Variants in PRPSAP1 observed in about 807,000 individuals in gnomAD.
The protein encoded by PRPSAP1 is phosphoribosyl pyrophosphate synthetase associated protein 1, also known as phosphoribosyl pyrophosphate synthase-associated protein 1.
In PRPSAP1, 31 loss-of-function variants were observed where a neutral mutation model predicts 39.4. That is an observed-to-expected ratio of 0.79 (90% CI 0.59 to 1.06). The LOEUF (loss-of-function observed/expected upper bound fraction) is 1.06. Ranked by LOEUF, PRPSAP1 falls within the 50% of genes least tolerant of loss-of-function variation. The pLI, the probability that PRPSAP1 is intolerant of heterozygous loss-of-function variation, is 0.00. For synonymous variants in PRPSAP1, 212 were observed against 192.6 expected (o/e 1.10, Z -0.83); for missense variants, 430 against 511.6 (o/e 0.84, Z 1.54).
chr17:76,335,898 G>A (rs1176192676), intron 3 of PRPSAP1, among the ~76,000 whole-genome samples: 1 of 152,094 alleles, frequency 6.6e-6, no homozygotes, highest in Non-Finnish European at 1.5e-5. Flanking sequence ...GGAGGCTGAG[G>A]TGGGAGGATC....
Position 76,348,538 on chromosome 17 carries a change from T to C in PRPSAP1, c.214A>G (p.Thr72Ala). The stretch of plus-strand genomic sequence containing the variant: ...AATAATTTTAACTTACCTCCATTGG[T>C]CTCTTGATATACAACAGACTTCCCC... ...ELGKSVVYQE[T>A]NGETRVEIKE... The change falls in exon 2 of 10, where the codon ACC (threonine) becomes GCC (alanine). Residue 72 changes from threonine to alanine, a missense_variant. Transcript: ENST00000446526. The C allele has an allele frequency of 1.3e-6, 2 of 1,483,348 alleles. No homozygotes were observed. Among genetic ancestry groups the C allele is most frequent in the Non-Finnish European group, 1.8e-6 (2 of 1,123,320 alleles). The allele number at this position is 1,483,348 out of a possible 1,614,324, so 91.9% of individuals were successfully genotyped here. A position where few individuals can be genotyped will look rare whatever the true frequency, so the allele number is the denominator to read the frequency against.
At chr17:76,339,552 G>C (rs2071413719) in intron 3 of PRPSAP1, among the ~76,000 whole-genome samples, 1 of 151,742 alleles carries the variant, frequency 6.6e-6, no homozygotes, top group Non-Finnish European at 1.5e-5. Context: ...AAGAGACAGA[G>C]AAAATGCCAG....
In PRPSAP1 at chr17:76,320,352, G is replaced by GAAGGAAGGAAGA. The variant is rs759360735; in HGVS notation, c.782-6462_782-6461insTCTTCCTTCCTT. On this transcript the variant is annotated intron_variant, in intron 7 of 9. Transcript: ENST00000446526. ...GGGAGGGAGGGAGGGAGGAAGGAAG[G>GAAGGAAGGAAGA]AAGAAAAAGGAAGAAAGGCAGGCAT... Among the ~76,000 whole-genome samples, 348 of 99,256 alleles carry GAAGGAAGGAAGA rather than the reference G, an allele frequency of 3.5e-3. 12 individuals are homozygous for GAAGGAAGGAAGA. The highest frequency in any genetic ancestry group is 0.016 in the African/African-American group (340 of 21,702). The allele number at this position is 99,256 out of a possible 152,430, so 65.1% of individuals were successfully genotyped here.
intron 6 of PRPSAP1, 109 bp from the exon 7 acceptor site, chr17:76,328,971 C>A: frequency 1.6e-6 from 2 of 1,261,678 alleles, no homozygotes; most frequent in Non-Finnish European, 2.1e-6. Flanking sequence ...CAGGGACATA[C>A]AAAGGCATTA....
intron 2 of PRPSAP1, among the ~76,000 whole-genome samples, chr17:76,345,051 C>A (rs1158794287): frequency 6.6e-6 from 1 of 151,684 alleles, no homozygotes; most frequent in Non-Finnish European, 1.5e-5. Context: ...CTGGCTAACA[C>A]AGTGAAACCC....
intron 3 of PRPSAP1, among the ~76,000 whole-genome samples, chr17:76,344,088 C>T (rs1049963107): frequency 1.3e-5 from 2 of 151,384 alleles, no homozygotes; most frequent in East Asian, 2.0e-4. Flanking sequence ...GGACTACAGG[C>T]GCATGCCACC....
At chr17:76,342,240 T>C (rs1381448123) in intron 3 of PRPSAP1, among the ~76,000 whole-genome samples, 1 of 151,846 alleles carries the variant, frequency 6.6e-6, no homozygotes, top group Non-Finnish European at 1.5e-5. Context: ...AGAGACTGAA[T>C]AAACCGATGC....
At chr17:76,333,396 C>T (rs1486370622) in intron 3 of PRPSAP1, among the ~76,000 whole-genome samples, 4 of 152,176 alleles carry the variant, frequency 2.6e-5, no homozygotes, top group Non-Finnish European at 4.4e-5. Flanking sequence ...AGGCATGACC[C>T]ACTATACCCA....
intron 3 of PRPSAP1, among the ~76,000 whole-genome samples, chr17:76,340,212 C>G (rs2071421294): frequency 6.6e-6 from 1 of 151,598 alleles, no homozygotes; most frequent in Non-Finnish European, 1.5e-5. Flanking sequence ...TCTTGAACTC[C>G]TGGCCTCAAG....
At chr17:76,320,586 A>C (rs1298315041) in intron 7 of PRPSAP1, among the ~76,000 whole-genome samples, 1 of 139,766 alleles carries the variant, frequency 7.2e-6, no homozygotes, top group African/African-American at 2.8e-5. Context: ...CACCACGTCC[A>C]GCTAATTTTT....
intron 3 of PRPSAP1, among the ~76,000 whole-genome samples, chr17:76,336,932 C>T (rs1228218529): frequency 6.6e-6 from 1 of 152,076 alleles, no homozygotes; most frequent in African/African-American, 2.4e-5. Context: ...AATTGGACAC[C>T]AGGCAGTTAC....
At chr17:76,337,060 T>C (rs1362652249) in intron 3 of PRPSAP1, among the ~76,000 whole-genome samples, 2 of 152,188 alleles carry the variant, frequency 1.3e-5, no homozygotes, top group African/African-American at 2.4e-5. Context: ...AAGTAGGACA[T>C]TCTTAATTGT....
chr17:76,338,328 T>C (rs2071400431), intron 3 of PRPSAP1, among the ~76,000 whole-genome samples: 5 of 152,214 alleles, frequency 3.3e-5, no homozygotes, highest in Admixed American at 2.0e-4. Context: ...TTAGCCTTAT[T>C]ACTTTAGGCA....
At chr17:76,347,549 A>T (rs964310204) in intron 2 of PRPSAP1, among the ~76,000 whole-genome samples, 10 of 147,832 alleles carry the variant, frequency 6.8e-5, no homozygotes, top group African/African-American at 2.5e-4. Flanking sequence ...GAGAGACAGG[A>T]GGTCAGGGAG....
intron 7 of PRPSAP1, among the ~76,000 whole-genome samples, chr17:76,320,085 C>T (rs2071172998): frequency 6.6e-6 from 1 of 151,942 alleles, no homozygotes; most frequent in Non-Finnish European, 1.5e-5. Flanking sequence ...GTCTGGCCAA[C>T]ATGGCGAAAC....
Position 76,328,866 on chromosome 17 carries a change from G to C in PRPSAP1, c.636-4C>G. ...TCTCTCCGCATAGGACTGGGCCCTA[G>C]AAGGACAAAGGGAAATGGTGAAACT... On this transcript the variant is annotated splice_polypyrimidine_tract_variant and splice_region_variant and intron_variant, in intron 6 of 9. Transcript: ENST00000446526. 6.2e-7 allele frequency: 1 copy of C among 1,606,958 alleles called. No individual in the cohort carries two copies. The highest frequency in any genetic ancestry group is 8.5e-7 in the Non-Finnish European group (1 of 1,177,190).
chr17:76,352,894 A>AC (rs1353394368), intron 1 of PRPSAP1, among the ~76,000 whole-genome samples: 1 of 152,036 alleles, frequency 6.6e-6, no homozygotes, highest in Non-Finnish European at 1.5e-5. Flanking sequence ...GAGCTGTCAG[A>AC]CCCCAAAGGC....
intron 3 of PRPSAP1, among the ~76,000 whole-genome samples, chr17:76,340,236 T>C (rs1180304849): frequency 6.6e-6 from 1 of 151,596 alleles, no homozygotes; most frequent in African/African-American, 2.4e-5. Context: ...TCCTCTCACC[T>C]TGGTCTCCCA....
intron 2 of PRPSAP1, 33 bp downstream of exon 2, chr17:76,348,496 T>TAATTTTAAAAA (rs2143550710): frequency 7.7e-7 from 1 of 1,302,186 alleles, no homozygotes; most frequent in East Asian, 3.0e-5. Context: ...AAATAAAAAA[T>TAATTTTAAAAA]AATTTTAAAA....
Sources: allele counts gnomAD v4.1 joint callset (sites outside exome capture counted in the v4.1 genomes callset), GRCh38; gene constraint gnomAD v4.1.1; transcripts MANE v1.5; gene names NCBI Gene and HGNC (gene_info 2026-07-23, HGNC 2026-07-21).